Variants in SRGAP1 observed in about 807,000 individuals in gnomAD.
The protein encoded by SRGAP1 is SLIT-ROBO Rho GTPase-activating protein 1.
SRGAP1 carries 43 observed loss-of-function variants against 121.9 expected under a neutral mutation model. The observed-to-expected ratio is 0.35, with a 90% CI of 0.28 to 0.46. The LOEUF is 0.46. SRGAP1 is among the 20% of genes least tolerant of loss of function. The pLI is 1.00. For synonymous variants in SRGAP1, 447 were observed against 485.4 expected (o/e 0.92, Z 1.04); for missense variants, 1,102 against 1,350.9 (o/e 0.82, Z 2.89).
At chr12:63,973,020 G>A (rs140850169) in intron 1 of SRGAP1, among the ~76,000 whole-genome samples, 139 of 152,196 alleles carry the variant, frequency 9.1e-4, no homozygotes, top group African/African-American at 3.1e-3. Context: ...GGTGGCAGGC[G>A]CCTGTAATCC....
At chr12:63,991,053 A>G (rs1056536109) in intron 3 of SRGAP1, among the ~76,000 whole-genome samples, 5 of 152,186 alleles carry the variant, frequency 3.3e-5, no homozygotes, top group African/African-American at 9.7e-5. Context: ...TTGTGTGGAC[A>G]TTTTTGCTGA....
intron 1 of SRGAP1, among the ~76,000 whole-genome samples, chr12:63,911,312 A>C (rs1233292338): frequency 6.6e-6 from 1 of 151,668 alleles, no homozygotes; most frequent in Non-Finnish European, 1.5e-5. Flanking sequence ...AAAAAAAAAA[A>C]AAAAAGAAAA....
chr12:64,125,162 A>G (rs771672075), intron 18 of SRGAP1, among the ~76,000 whole-genome samples: 5 of 152,096 alleles, frequency 3.3e-5, no homozygotes, highest in Admixed American at 6.5e-5. Context: ...TATATTCTCT[A>G]TCTCTATAAT....
At chr12:64,130,421 G>A (rs1307793274) in intron 21 of SRGAP1, among the ~76,000 whole-genome samples, 2 of 152,076 alleles carry the variant, frequency 1.3e-5, no homozygotes, top group Non-Finnish European at 2.9e-5. Flanking sequence ...GTTGCTAGGG[G>A]GTCACTAGGG....
chr12:63,890,471 A>C (rs1900541586), intron 1 of SRGAP1, among the ~76,000 whole-genome samples: 1 of 152,170 alleles, frequency 6.6e-6, no homozygotes, highest in African/African-American at 2.4e-5. Context: ...TTAATTAAGA[A>C]GGTTGTGGGG....
chr12:63,886,925 G>A (rs1409794533), intron 1 of SRGAP1, among the ~76,000 whole-genome samples: 1 of 152,148 alleles, frequency 6.6e-6, no homozygotes, highest in East Asian at 1.9e-4. Context: ...CCAGGCTAGA[G>A]TGCAATGGCG....
chr12:63,945,890 T>G (rs927877280), intron 1 of SRGAP1, among the ~76,000 whole-genome samples: 4 of 152,136 alleles, frequency 2.6e-5, no homozygotes, highest in African/African-American at 4.8e-5. Context: ...AGAGCAGTGA[T>G]CTGGGCAGGA....
At chr12:64,032,684 CAAA>C (rs1346334248) in intron 4 of SRGAP1, 411 of 163,850 alleles carry the variant, frequency 2.5e-3, no homozygotes, top group East Asian at 4.4e-3. Flanking sequence ...GCTTTCAAAG[CAAA>C]AAAAAAAAAA....
rs185127612 is a variant in SRGAP1 at position 64,034,297 on chromosome 12, C to T, written c.490-8493C>T. ...TGCCCTCTTCCTCCTTCTCTGGACA[C>T]ATAAGACATGCCTGCTTCCCCTTCA... On this transcript the variant is annotated intron_variant, in intron 4 of 21. Coordinates refer to ENST00000355086, the MANE Select transcript of SRGAP1 (RefSeq NM_020762.4). Among the ~76,000 whole-genome samples the T allele has an allele frequency of 5.2e-3, 798 of 152,214 alleles. 11 individuals are homozygous for T. Among genetic ancestry groups the T allele is most frequent in the African/African-American group, 0.019 (772 of 41,542 alleles).
chr12:63,880,953 G>A (rs1054149548), intron 1 of SRGAP1, among the ~76,000 whole-genome samples: 4 of 152,100 alleles, frequency 2.6e-5, no homozygotes, highest in Non-Finnish European at 5.9e-5. Context: ...ACTTTGCTAG[G>A]GTCCCTCTCA....
intron 1 of SRGAP1, among the ~76,000 whole-genome samples, chr12:63,880,975 G>A (rs1009862808): frequency 6.6e-6 from 1 of 152,114 alleles, no homozygotes; most frequent in Non-Finnish European, 1.5e-5. Flanking sequence ...AAACACAACC[G>A]GATCAGGAGT....
intron 1 of SRGAP1, among the ~76,000 whole-genome samples, chr12:63,916,325 T>G (rs1261774270): frequency 5.3e-5 from 8 of 152,160 alleles, no homozygotes; most frequent in Non-Finnish European, 1.2e-4. Flanking sequence ...ATGCCCAGCC[T>G]GAAAGGTTGT....
intron 1 of SRGAP1, among the ~76,000 whole-genome samples, chr12:63,854,901 C>T (rs1302006072): frequency 1.3e-5 from 2 of 152,184 alleles, no homozygotes; most frequent in African/African-American, 2.4e-5. Flanking sequence ...TGGGAATGTG[C>T]ATGTTCATCT....
At chr12:64,072,116 G>C (rs1307056945) in intron 8 of SRGAP1, among the ~76,000 whole-genome samples, 3 of 106,330 alleles carry the variant, frequency 2.8e-5, no homozygotes, top group Non-Finnish European at 4.3e-5. Flanking sequence ...CTCTGTGTGT[G>C]TGTGTGTGTG....
At chr12:63,923,880 C>T (rs1352277319) in intron 1 of SRGAP1, among the ~76,000 whole-genome samples, 1 of 152,190 alleles carries the variant, frequency 6.6e-6, no homozygotes, top group Non-Finnish European at 1.5e-5. Context: ...TGGTGGCTCA[C>T]GCCTGTAATC....
intron 18 of SRGAP1, among the ~76,000 whole-genome samples, chr12:64,123,111 T>C (rs2036629094): frequency 6.6e-6 from 1 of 151,936 alleles, no homozygotes; most frequent in Non-Finnish European, 1.5e-5. Context: ...CATGTGTTGG[T>C]ATCTTTTAAT....
chr12:64,034,758 A>G (rs1022868971), intron 4 of SRGAP1, among the ~76,000 whole-genome samples: 1 of 152,154 alleles, frequency 6.6e-6, no homozygotes, highest in African/African-American at 2.4e-5. Flanking sequence ...CTTGCCAAAG[A>G]CCTCACAGCA....
At position 63,964,018 on chromosome 12, in the gene SRGAP1, T is replaced by C. The variant is rs958580758; in HGVS notation, c.68-19929T>C. On this transcript the variant is annotated intron_variant, in intron 1 of 21. Transcript: ENST00000355086. ...CAGAAGTTGCTGAGAGAACAGAATG[T>C]ATTTTGGTTTGATTTTTTTTCCCCT... 3.9e-5 allele frequency among the ~76,000 whole-genome samples: 6 copies of C among 152,158 alleles called. No homozygotes were observed. The East Asian group carries it at 9.6e-4, about 24-fold the overall frequency.
intron 18 of SRGAP1, among the ~76,000 whole-genome samples, chr12:64,116,247 C>T (rs1938630228): frequency 8.7e-6 from 1 of 114,716 alleles, no homozygotes; most frequent in Non-Finnish European, 1.7e-5. Flanking sequence ...ACAGAACAGA[C>T]CTCATCTCAA....
Sources: gnomAD v4.1 joint callset for allele counts (sites outside exome capture counted in the v4.1 genomes callset) on GRCh38, gnomAD v4.1.1 for gene constraint, MANE v1.5 for transcripts, NCBI Gene and HGNC (gene_info 2026-07-23, HGNC 2026-07-21) for gene names.